Variants in EEF2K observed in about 807,000 individuals in gnomAD.
EEF2K encodes alternative protein EEF2K.
EEF2K carries 70 observed loss-of-function variants against 93.8 expected under a neutral mutation model. That is an observed-to-expected ratio of 0.75 (90% CI 0.62 to 0.91). The LOEUF is 0.91. Among genes scored for constraint, EEF2K ranks in the 40% least tolerant of loss-of-function variants. The pLI, the probability that EEF2K is intolerant of heterozygous loss-of-function variation, is 0.00. For missense variants in EEF2K, 935 were observed against 972.9 expected (o/e 0.96, Z 0.52); for synonymous variants, 376 against 380.8 (o/e 0.99, Z 0.15).
At chr16:22,234,657 A>G (rs1024896151) in intron 2 of EEF2K, among the ~76,000 whole-genome samples, 4 of 152,086 alleles carry the variant, frequency 2.6e-5, no homozygotes, top group African/African-American at 7.2e-5. Flanking sequence ...TTATGCATCC[A>G]TCACCACAAC....
At chr16:22,279,449 G>T (rs753546319) in intron 16 of EEF2K, among the ~76,000 whole-genome samples, 2 of 151,932 alleles carry the variant, frequency 1.3e-5, no homozygotes, top group Non-Finnish European at 2.9e-5. Flanking sequence ...TACATAGTAA[G>T]TGTGTATATG....
intron 16 of EEF2K, among the ~76,000 whole-genome samples, chr16:22,275,294 T>C (rs1218973686): frequency 6.6e-6 from 1 of 151,802 alleles, no homozygotes; most frequent in Non-Finnish European, 1.5e-5. Flanking sequence ...AACCCTTTGG[T>C]ATACTTTTCT....
In EEF2K at chr16:22,256,846, C is replaced by G; in HGVS notation, c.717C>G (p.Tyr239Ter). ...EHYIEGKYIK[Y>*]NSNSGFVRDD... is the part of the protein sequence containing the mutation. ...ACATCGAGGGCAAGTACATCAAGTA[C>G]AACTCCAACTCTGGCTTTGTCCGCG... Residue 239 changes from tyrosine (Y) to a stop codon, truncating the protein, a stop_gained, in exon 7 of 18, where the codon TAC (tyrosine) becomes TAG (stop). Transcript: ENST00000263026. LOFTEE classifies it high-confidence loss of function. 6.2e-7 allele frequency: 1 copy of G among 1,614,204 alleles called. No homozygotes were observed. Among genetic ancestry groups the G allele is most frequent in the Non-Finnish European group, 8.5e-7 (1 of 1,180,046 alleles).
At chr16:22,216,729 A>C (rs2046960863) in intron 1 of EEF2K, among the ~76,000 whole-genome samples, 1 of 151,972 alleles carries the variant, frequency 6.6e-6, no homozygotes, top group Non-Finnish European at 1.5e-5. Flanking sequence ...TGCCGTCTGT[A>C]ATAAATAAAT....
intron 1 of EEF2K, among the ~76,000 whole-genome samples, chr16:22,215,507 T>C (rs2046949720): frequency 6.6e-6 from 1 of 152,178 alleles, no homozygotes; most frequent in African/African-American, 2.4e-5. Context: ...ACTATTTCTC[T>C]CAATAGTTTA....
At chr16:22,260,073 C>A (rs2047447322) in intron 10 of EEF2K, among the ~76,000 whole-genome samples, 1 of 152,148 alleles carries the variant, frequency 6.6e-6, no homozygotes, top group African/African-American at 2.4e-5. Context: ...TTGAAGCTAT[C>A]TGAGGCCCAC....
rs370405317 is a variant in EEF2K, at chr16:22,281,294, C to T, written c.2068+918C>T. ...TCACTGTGTCACTCAGGCTGGAGTG[C>T]AGTGGCACAATCATAGCTCACTCCA... On this transcript the variant is annotated intron_variant, in intron 17 of 17. Transcript: ENST00000263026. 1.6e-3 allele frequency among the ~76,000 whole-genome samples: 238 copies of T among 152,088 alleles called. 2 individuals carry two copies. Among genetic ancestry groups the T allele is most frequent in the African/African-American group, 5.5e-3 (227 of 41,476 alleles).
In EEF2K at chr16:22,283,870, C is replaced by T. The variant is rs779502663; in HGVS notation, c.2069-17C>T. The T allele has an allele frequency of 5.1e-6, 8 of 1,570,566 alleles. No homozygotes were observed. The highest frequency in any genetic ancestry group is 1.7e-4 in the Middle Eastern group (1 of 5,978). On this transcript the variant is annotated splice_polypyrimidine_tract_variant and intron_variant, in intron 17 of 17. Transcript: ENST00000263026. ...CAGGTGGTTCACCTCTTTTTGCCCC[C>T]CTTTGCTGTCTTTCAGGGGACTTGT... is the stretch of plus-strand genomic sequence containing the variant.
intron 16 of EEF2K, among the ~76,000 whole-genome samples, chr16:22,279,269 ACTC>A (rs2047670799): frequency 7.1e-6 from 1 of 140,548 alleles, no homozygotes; most frequent in Admixed American, 7.3e-5. Flanking sequence ...ACAGGGTTAT[ACTC>A]TATTGCCCAG....
At chr16:22,266,221 C>CAAAA (rs371101977) in intron 13 of EEF2K, among the ~76,000 whole-genome samples, 169 bp from the exon 14 acceptor site, 1 of 123,166 alleles carries the variant, frequency 8.1e-6, no homozygotes, top group Non-Finnish European at 1.7e-5. Flanking sequence ...GACTCTGTCT[C>CAAAA]AAAAAAAAAA....
At chr16:22,282,150 A>T (rs1216218269) in intron 17 of EEF2K, among the ~76,000 whole-genome samples, 4 of 152,154 alleles carry the variant, frequency 2.6e-5, no homozygotes, top group African/African-American at 9.7e-5. Context: ...GTGAGCTATG[A>T]TCATACCACC....
chr16:22,223,530 A>G (rs2047035369), intron 1 of EEF2K, among the ~76,000 whole-genome samples: 1 of 152,072 alleles, frequency 6.6e-6, no homozygotes. Context: ...ATTTTTGGGT[A>G]TGGCGTAAGG....
chr16:22,225,645 T>A lies in EEF2K; in HGVS notation c.-76-9T>A. On this transcript the variant is annotated splice_polypyrimidine_tract_variant and intron_variant, in intron 1 of 17. Coordinates refer to ENST00000263026, the MANE Select transcript of EEF2K (RefSeq NM_013302.5). ...AGCACCCACTCTCTGGCCCTTGCTTTCCTTGTAGGACCTTCGCCTCTGCAT... is the reference window on the plus strand; with the variant it reads ...AGCACCCACTCTCTGGCCCTTGCTTACCTTGTAGGACCTTCGCCTCTGCAT... 1 of 1,549,422 alleles carries A rather than the reference T, an allele frequency of 6.5e-7. No homozygotes were observed. The highest frequency in any genetic ancestry group is 8.7e-7 in the Non-Finnish European group (1 of 1,149,422).
intron 14 of EEF2K, 49 bp from the exon 15 acceptor site, chr16:22,266,639 G>A (rs376668468): frequency 6.2e-5 from 99 of 1,586,198 alleles, no homozygotes; most frequent in Middle Eastern, 3.5e-4. Flanking sequence ...TCTTGGGTGC[G>A]GCTTTGGCCC....
chr16:22,280,525 C>T (rs970905560), intron 17 of EEF2K, 149 bp downstream of exon 17: 3 of 977,296 alleles, frequency 3.1e-6, no homozygotes, highest in Admixed American at 4.2e-5. Context: ...TGAAGATGAA[C>T]ATTGTTATTT....
Position 22,263,101 on chromosome 16 carries a change from T to C in EEF2K, c.1300-9T>C, listed in dbSNP as rs778108052. 1 of 1,609,876 alleles carries C rather than the reference T, an allele frequency of 6.2e-7. No homozygotes were observed. Among genetic ancestry groups the C allele is most frequent in the South Asian group, 1.1e-5 (1 of 90,542 alleles). On this transcript the variant is annotated splice_polypyrimidine_tract_variant and intron_variant, in intron 11 of 17. Coordinates refer to ENST00000263026, the MANE Select transcript of EEF2K (RefSeq NM_013302.5). ...CCACCAGGACCCTAAGGCCGTCTTC[T>C]CTCCACAGGAGTCTGAGAATAGTGG...
At position 22,222,684 on chromosome 16, in the gene EEF2K, A is replaced by G. The variant is rs537444036; in HGVS notation, c.-76-2970A>G. Among the ~76,000 whole-genome samples the G allele has an allele frequency of 2.9e-4, 43 of 147,202 alleles. No homozygotes were observed. The East Asian group carries it at 7.2e-3, about 25-fold the overall frequency. ...GGAGTTCGAGAACAGCCTGGCCAAC[A>G]TGGTGAAACCCCGTCCCTAAAAAAA... is the stretch of plus-strand genomic sequence containing the variant. On this transcript the variant is annotated intron_variant, in intron 1 of 17. Transcript: ENST00000263026.
In EEF2K at chr16:22,251,342, G is replaced by C. The variant is rs2047350163; in HGVS notation, c.618+20G>C. ...AAGCAGGTGCGTGGCCCCACTACCT[G>C]CCCCCTTTCCATGCCAGGGCAGCTG... On this transcript the variant is annotated intron_variant, in intron 6 of 17. Transcript: ENST00000263026. 2 of 1,612,352 alleles carry C rather than the reference G, an allele frequency of 1.2e-6. No homozygotes were observed. Among genetic ancestry groups the C allele is most frequent in the Admixed American group, 1.7e-5 (1 of 59,858 alleles).
intron 2 of EEF2K, among the ~76,000 whole-genome samples, chr16:22,240,237 G>C (rs1442626239): frequency 1.3e-5 from 2 of 152,086 alleles, no homozygotes; most frequent in Non-Finnish European, 2.9e-5. Context: ...GAGAGCAACA[G>C]GTGAATAATC....
Sources: allele counts gnomAD v4.1 joint callset (sites outside exome capture counted in the v4.1 genomes callset), GRCh38; gene constraint gnomAD v4.1.1; transcripts MANE v1.5; gene names NCBI Gene and HGNC (gene_info 2026-07-23, HGNC 2026-07-21).